PEX14: variants seen among roughly 807,000 people sequenced by gnomAD.
The protein encoded by PEX14 is peroxisomal biogenesis factor 14.
In PEX14, 15 loss-of-function variants were observed where a neutral mutation model predicts 49.5. The ratio of observed to expected loss-of-function variants is 0.30; its 90% CI spans 0.20 to 0.47. The LOEUF is 0.47. PEX14 is among the 20% of genes least tolerant of loss of function. PEX14 has a pLI of 1.00. For synonymous variants in PEX14, 210 were observed against 212.7 expected, an observed-to-expected ratio of 0.99 and a Z score of 0.11; for missense variants, 398 against 494.8, an observed-to-expected ratio of 0.80 and a Z score of 1.86.
Position 10,512,291 on chromosome 1 carries a change from A to G in PEX14, c.84+16970A>G, listed in dbSNP as rs780866549. On this transcript the variant is annotated intron_variant, in intron 2 of 8. Transcript: ENST00000356607. This position sits in a 1 kb window ranked among gnomAD's most constrained non-coding sequence, Gnocchi z 4.6. ...AATTTTTAAGGACTAGAGCTCTCAG[A>G]CCAGGACTTTCTGGATCTTTTTTTC... Among the ~76,000 whole-genome samples the G allele has an allele frequency of 4.6e-5, 7 of 152,078 alleles. No homozygotes were observed. Among genetic ancestry groups the G allele is most frequent in the Non-Finnish European group, 8.8e-5 (6 of 68,000 alleles).
intron 3 of PEX14, among the ~76,000 whole-genome samples, chr1:10,556,612 G>A (rs1417705398): frequency 2.0e-5 from 3 of 152,174 alleles, no homozygotes. Flanking sequence ...GCCTGATGTG[G>A]AGGGTTAGGG....
At chr1:10,491,845 T>A (rs1641480279) in intron 1 of PEX14, among the ~76,000 whole-genome samples, 1 of 152,100 alleles carries the variant, frequency 6.6e-6, no homozygotes, top group Admixed American at 6.5e-5. Context: ...CACACCCAGC[T>A]TATTTTTGCA....
At chr1:10,615,222 C>A (rs113997809) in intron 4 of PEX14, among the ~76,000 whole-genome samples, 18 of 152,244 alleles carry the variant, frequency 1.2e-4, no homozygotes, top group African/African-American at 4.3e-4. Context: ...CTGCATGCGA[C>A]AAAACACCAT....
At chr1:10,592,750 T>G (rs1022805586) in intron 3 of PEX14, among the ~76,000 whole-genome samples, 3 of 152,364 alleles carry the variant, frequency 2.0e-5, no homozygotes, top group Admixed American at 6.5e-5. Flanking sequence ...TCATTGAAAC[T>G]GCTCAGCACT....
intron 7 of PEX14, among the ~76,000 whole-genome samples, chr1:10,626,056 A>G (rs187516008): frequency 7.8e-4 from 119 of 152,342 alleles, no homozygotes; most frequent in Non-Finnish European, 1.2e-3. Flanking sequence ...CCAAACTCCT[A>G]CTGGAGCACT....
chr1:10,538,770 G>A (rs1400252953), intron 3 of PEX14, among the ~76,000 whole-genome samples: 1 of 152,194 alleles, frequency 6.6e-6, no homozygotes, highest in Admixed American at 6.5e-5. Context: ...CTCGCTGGCC[G>A]TCTGGACCAG....
intron 5 of PEX14, among the ~76,000 whole-genome samples, chr1:10,620,055 C>G (rs1313375619): frequency 1.3e-5 from 2 of 152,000 alleles, no homozygotes; most frequent in African/African-American, 4.8e-5. Flanking sequence ...GCGGAGCTTG[C>G]AGTAAGCCAA....
At chr1:10,574,131 G>C (rs1279288680) in intron 3 of PEX14, among the ~76,000 whole-genome samples, 1 of 152,078 alleles carries the variant, frequency 6.6e-6, no homozygotes, top group South Asian at 2.1e-4. Flanking sequence ...GCCAAAACCT[G>C]GGGGGAAGTG....
chr1:10,572,599 A>G (rs144797624), intron 3 of PEX14, among the ~76,000 whole-genome samples: 5,261 of 152,176 alleles, frequency 0.035, 317 homozygotes, highest in African/African-American at 0.12. Context: ...CGGTGGCGCA[A>G]TCTCAGCTCA....
At chr1:10,617,552 C>T (rs1198568783) in intron 4 of PEX14, among the ~76,000 whole-genome samples, 1 of 152,126 alleles carries the variant, frequency 6.6e-6, no homozygotes, top group East Asian at 1.9e-4. Flanking sequence ...CTCTTGGGGT[C>T]CTCTGGGCCA....
chr1:10,531,416 A>G (rs1181510165), intron 2 of PEX14, among the ~76,000 whole-genome samples: 1 of 152,186 alleles, frequency 6.6e-6, no homozygotes, highest in Non-Finnish European at 1.5e-5. Context: ...TTTTTAAGTC[A>G]GTCCTTGTTA....
intron 4 of PEX14, among the ~76,000 whole-genome samples, chr1:10,607,958 A>G (rs530913215): frequency 6.6e-6 from 1 of 152,272 alleles, no homozygotes; most frequent in South Asian, 2.1e-4. Context: ...CCAAGGTTGA[A>G]GAGACTTTCT....
At chr1:10,528,847 C>T (rs1449352533) in intron 2 of PEX14, among the ~76,000 whole-genome samples, 1 of 152,182 alleles carries the variant, frequency 6.6e-6, no homozygotes, top group Non-Finnish European at 1.5e-5. Context: ...GCACGCTGGC[C>T]AAACCTCCAA....
At chr1:10,536,700 C>T (rs1638815435) in intron 3 of PEX14, 5 of 222,872 alleles carry the variant, frequency 2.2e-5, no homozygotes, top group Admixed American at 2.0e-4. Context: ...AAATGAAGGG[C>T]GAGGGAAACG....
At chr1:10,589,185 T>G (rs946110625) in intron 3 of PEX14, among the ~76,000 whole-genome samples, 3 of 152,204 alleles carry the variant, frequency 2.0e-5, no homozygotes, top group African/African-American at 4.8e-5. Flanking sequence ...AAACAGATCT[T>G]TGGTTTAATA....
rs1638581777 is a variant in PEX14, at chr1:10,529,419, C to T, written c.85-6794C>T. On this transcript the variant is annotated intron_variant, in intron 2 of 8. Transcript: ENST00000356607. This position sits in a 1 kb window ranked among gnomAD's most constrained non-coding sequence, Gnocchi z 4.2. ...CCTCTCCAAAGTCACCCTTACGTCC[C>T]TAAGATCACTGTCCCTTGACATTAA... is the stretch of plus-strand genomic sequence containing the variant. 1.3e-5 allele frequency among the ~76,000 whole-genome samples: 2 copies of T among 152,240 alleles called. No individual in the cohort carries two copies. Among genetic ancestry groups the T allele is most frequent in the African/African-American group, 4.8e-5 (2 of 41,464 alleles).
chr1:10,588,145 A>C (rs1458384775), intron 3 of PEX14, among the ~76,000 whole-genome samples: 1 of 151,800 alleles, frequency 6.6e-6, no homozygotes, highest in Non-Finnish European at 1.5e-5. Flanking sequence ...GCTTGAACCC[A>C]GGAGGCTAAG....
intron 3 of PEX14, among the ~76,000 whole-genome samples, chr1:10,563,550 G>A (rs1232750300): frequency 6.6e-6 from 1 of 151,900 alleles, no homozygotes. Context: ...CCTTGAACCC[G>A]GGAGGCGGAG....
At chr1:10,577,558 ATATATTTTTTTTTTTTTTTTTTTTTTTTT>A (rs1557854862) in intron 3 of PEX14, among the ~76,000 whole-genome samples, 8 of 5,268 alleles carry the variant, frequency 1.5e-3, no homozygotes, top group East Asian at 0.012. Context: ...ATATATATAT[ATATATTTTTTTTTTTTTTTTTTTTTTTTT>A]TTTTTTTTTT....
Sources: allele counts gnomAD v4.1 joint callset (sites outside exome capture counted in the v4.1 genomes callset), GRCh38; gene constraint gnomAD v4.1.1; non-coding constraint Gnocchi (gnomAD v3.1); transcripts MANE v1.5; gene names NCBI Gene and HGNC (gene_info 2026-07-23, HGNC 2026-07-21).